Variants in FANCC observed in about 807,000 individuals in gnomAD.
The protein encoded by FANCC is Fanconi anemia group C protein.
In FANCC, 55 loss-of-function variants were observed where a neutral mutation model predicts 71.3. That is an observed-to-expected ratio of 0.77 (90% CI 0.62 to 0.97). The LOEUF (loss-of-function observed/expected upper bound fraction) is 0.97. FANCC is among the 50% of genes least tolerant of loss of function. The pLI is 0.00. For synonymous variants in FANCC, 275 were observed against 244.9 expected, an observed-to-expected ratio of 1.12 and a Z score of -1.15; for missense variants, 678 against 670.9, an observed-to-expected ratio of 1.01 and a Z score of -0.12.
chr9:95,239,405 C>T (rs752725506), intron 4 of FANCC, among the ~76,000 whole-genome samples: 1 of 152,128 alleles, frequency 6.6e-6, no homozygotes, highest in Non-Finnish European at 1.5e-5. Flanking sequence ...TTTAAACAGG[C>T]TAATAAAGTC....
Position 95,315,540 on chromosome 9 carries a change from T to C in FANCC, c.-79+1986A>G, listed in dbSNP as rs1835688688. ...TGCTCTGCCTGTTATCTGAATTGCC[T>C]TTCCTTCTCCACTTCTGCATTTTTA... On this transcript the variant is annotated intron_variant, in intron 1 of 14. Coordinates refer to ENST00000289081, the MANE Select transcript of FANCC (RefSeq NM_000136.3). 2.0e-5 allele frequency among the ~76,000 whole-genome samples: 3 copies of C among 152,334 alleles called. No homozygotes were observed. The South Asian group carries it at 6.2e-4, about 32-fold the overall frequency.
intron 4 of FANCC, among the ~76,000 whole-genome samples, chr9:95,240,112 C>T (rs1830549818): frequency 4.6e-5 from 7 of 152,320 alleles, no homozygotes; most frequent in Admixed American, 4.6e-4. Context: ...TGGACTAGCA[C>T]AGTAGGTAGC....
chr9:95,252,474 C>A (rs1831408476), intron 1 of FANCC, among the ~76,000 whole-genome samples: 1 of 151,474 alleles, frequency 6.6e-6, no homozygotes, highest in Non-Finnish European at 1.5e-5. Context: ...GGGCTGGGCG[C>A]CGTGGCTCAC....
In FANCC at chr9:95,241,377, C is replaced by G. The variant is rs4647436; in HGVS notation, c.251-634G>C. Among the ~76,000 whole-genome samples, 480 of 152,222 alleles carry G rather than the reference C, an allele frequency of 3.2e-3. 9 individuals carry two copies. The East Asian group carries it at 0.044, about 14-fold the overall frequency. On this transcript the variant is annotated intron_variant, in intron 3 of 14. Transcript: ENST00000289081. ...AATGTAAATCTTTATAAAACTTTAC[C>G]AAACATGCAATGAAAATCTGAACTT...
chr9:95,127,783 C>A (rs1179637700), intron 8 of FANCC, among the ~76,000 whole-genome samples: 1 of 152,224 alleles, frequency 6.6e-6, no homozygotes, highest in Non-Finnish European at 1.5e-5. Flanking sequence ...CGCGCCTCCT[C>A]GCGGCCTCCC....
At chr9:95,148,857 T>G (rs903824797) in intron 7 of FANCC, among the ~76,000 whole-genome samples, 2 of 152,202 alleles carry the variant, frequency 1.3e-5, no homozygotes, top group African/African-American at 2.4e-5. Context: ...TTTTCAAATT[T>G]TGGTGAGCTA....
chr9:95,192,803 G>A (rs900076069), intron 4 of FANCC, among the ~76,000 whole-genome samples: 1 of 152,020 alleles, frequency 6.6e-6, no homozygotes, highest in South Asian at 2.1e-4. Context: ...TTTCCTATAC[G>A]GTTTCATTTC....
intron 4 of FANCC, among the ~76,000 whole-genome samples, chr9:95,205,562 TA>T (rs553321518): frequency 0.02 from 2,925 of 143,326 alleles, 48 homozygotes; most frequent in African/African-American, 0.045. Flanking sequence ...AGTTTTTCTT[TA>T]AAAAAAAAAA....
chr9:95,282,464 T>G (rs543056304), intron 1 of FANCC, among the ~76,000 whole-genome samples: 3 of 152,090 alleles, frequency 2.0e-5, no homozygotes, highest in African/African-American at 7.2e-5. Context: ...AAGAAACAGA[T>G]AGATTGTAAC....
chr9:95,301,815 C>T (rs1272770796), intron 1 of FANCC, among the ~76,000 whole-genome samples: 2 of 151,474 alleles, frequency 1.3e-5, no homozygotes, highest in Non-Finnish European at 2.9e-5. Context: ...CGGTGGCTCA[C>T]GCCTGTAATC....
rs191937294 is a variant in FANCC at position 95,192,595 on chromosome 9, C to T, written c.346-20448G>A. On this transcript the variant is annotated intron_variant, in intron 4 of 14. Coordinates refer to ENST00000289081, the MANE Select transcript of FANCC (RefSeq NM_000136.3). ...CATTCAAATATGTTATTAAATATAA[C>T]GTCTCTAGAAATGTCCCTTTAAAAA... is the stretch of plus-strand genomic sequence containing the variant. Among the ~76,000 whole-genome samples the T allele has an allele frequency of 2.4e-4, 37 of 152,244 alleles. 1 individual carries two copies. The East Asian group carries it at 6.2e-3, about 25-fold the overall frequency.
chr9:95,268,852 G>T (rs958375164), intron 1 of FANCC, among the ~76,000 whole-genome samples: 6 of 152,128 alleles, frequency 3.9e-5, no homozygotes, highest in Non-Finnish European at 7.4e-5. Context: ...TGTGTGCCTG[G>T]CAGCTATGAA....
rs2134546516 is a variant in FANCC, at chr9:95,111,480, G to A, written c.1312C>T (p.Gln438Ter). 1.2e-6 allele frequency: 2 copies of A among 1,613,444 alleles called. No homozygotes were observed. The highest frequency in any genetic ancestry group is 4.5e-5 in the East Asian group (2 of 44,864). The part of the protein sequence containing the change: ...FYYGPRDGRQ[Q>*]RAQTMVQVKA... ...CTACCCACCATAGTCTGTGCTCTCT[G>A]CTGCCTCCCATCACGGGGGCCGTAG... Residue 438 changes from glutamine (Q) to a stop codon, truncating the protein, a stop_gained, in exon 13 of 15, where the codon CAG becomes TAG. Transcript: ENST00000289081. LOFTEE classifies it high-confidence loss of function.
chr9:95,158,641 TA>T (rs577463362), intron 6 of FANCC, among the ~76,000 whole-genome samples: 1 of 152,220 alleles, frequency 6.6e-6, no homozygotes, highest in Non-Finnish European at 1.5e-5. Context: ...CATGTCACCA[TA>T]AAGTATTCAG....
intron 6 of FANCC, among the ~76,000 whole-genome samples, chr9:95,162,749 T>C (rs1052186736): frequency 2.6e-5 from 4 of 152,242 alleles, no homozygotes; most frequent in Middle Eastern, 3.2e-3. Context: ...GTTGGTCATT[T>C]GTATATATTC....
In FANCC at chr9:95,191,008, C is replaced by T. The variant is rs149249827; in HGVS notation, c.346-18861G>A. Among the ~76,000 whole-genome samples, 47 of 151,988 alleles carry T rather than the reference C, an allele frequency of 3.1e-4. No individual in the cohort carries two copies. The East Asian group carries it at 8.1e-3, about 26-fold the overall frequency. On this transcript the variant is annotated intron_variant, in intron 4 of 14. Coordinates refer to ENST00000289081, the MANE Select transcript of FANCC (RefSeq NM_000136.3). ...CACCCCAAGAGATTTTGTATAGTCCCGGGATTTTGGATGCCATTTCTATGC... is the reference window on the plus strand; with the variant it reads ...CACCCCAAGAGATTTTGTATAGTCCTGGGATTTTGGATGCCATTTCTATGC...
At chr9:95,227,778 G>A (rs1032314253) in intron 4 of FANCC, among the ~76,000 whole-genome samples, 1 of 152,192 alleles carries the variant, frequency 6.6e-6, no homozygotes, top group Non-Finnish European at 1.5e-5. Flanking sequence ...ACCTTCTTGA[G>A]TACCTAACAT....
chr9:95,169,342 GA>G (rs1825514553), intron 6 of FANCC, among the ~76,000 whole-genome samples: 2 of 152,192 alleles, frequency 1.3e-5, no homozygotes, highest in South Asian at 4.1e-4. Context: ...GTGGAATACA[GA>G]AATGTGTTAT....
chr9:95,220,422 T>C (rs1437940348), intron 4 of FANCC, among the ~76,000 whole-genome samples: 1 of 152,238 alleles, frequency 6.6e-6, no homozygotes, highest in Admixed American at 6.5e-5. Context: ...TGCACACGTA[T>C]GTTTACCGCA....
Sources: allele counts gnomAD v4.1 joint callset (sites outside exome capture counted in the v4.1 genomes callset), GRCh38; gene constraint gnomAD v4.1.1; transcripts MANE v1.5; gene names NCBI Gene and HGNC (gene_info 2026-07-23, HGNC 2026-07-21).